Variants in PTPRD observed in about 807,000 individuals in gnomAD.
The protein encoded by PTPRD is receptor-type tyrosine-protein phosphatase delta.
PTPRD carries 34 observed loss-of-function variants against 214.5 expected under a neutral mutation model. The ratio of observed to expected loss-of-function variants is 0.16; its 90% CI spans 0.12 to 0.21. The LOEUF (loss-of-function observed/expected upper bound fraction) is 0.21. Among genes scored for constraint, PTPRD ranks in the 10% least tolerant of loss-of-function variants. PTPRD has a pLI of 1.00. For missense variants in PTPRD, 2,545 were observed against 2,398.7 expected (o/e 1.06, Z -1.27); for synonymous variants, 1,128 against 845.7 (o/e 1.33, Z -5.79).
chr9:9,931,570 G>A (rs1038948929), intron 5 of PTPRD, among the ~76,000 whole-genome samples: 3 of 152,130 alleles, frequency 2.0e-5, no homozygotes, highest in Non-Finnish European at 4.4e-5. Flanking sequence ...TGGCTCGGAG[G>A]GTCCTATGCC....
intron 11 of PTPRD, among the ~76,000 whole-genome samples, chr9:8,741,167 G>A (rs1225845926): frequency 2.0e-5 from 3 of 151,592 alleles, no homozygotes; most frequent in Non-Finnish European, 4.4e-5. Flanking sequence ...TCTCCTTTGG[G>A]AAGAAAAAAA....
intron 7 of PTPRD, among the ~76,000 whole-genome samples, chr9:9,649,397 G>A (rs2154371628): frequency 6.6e-6 from 1 of 152,248 alleles, no homozygotes; most frequent in South Asian, 2.1e-4. Flanking sequence ...AATGGCAGCA[G>A]TGATTATAAA....
At chr9:9,432,647 G>A (rs2083648933) in intron 8 of PTPRD, among the ~76,000 whole-genome samples, 3 of 152,166 alleles carry the variant, frequency 2.0e-5, no homozygotes, top group Non-Finnish European at 4.4e-5. Flanking sequence ...AGGGGAAAAT[G>A]CTTTGTTCAA....
At chr9:10,565,943 C>A (rs2065466901) in intron 2 of PTPRD, among the ~76,000 whole-genome samples, 1 of 151,952 alleles carries the variant, frequency 6.6e-6, no homozygotes, top group African/African-American at 2.4e-5. Flanking sequence ...CTTCATCATT[C>A]TTCTGCTTTT....
At chr9:9,091,393 T>A (rs2099775620) in intron 10 of PTPRD, 1 of 649,704 alleles carries the variant, frequency 1.5e-6, no homozygotes, top group Admixed American at 2.6e-5. Context: ...CTTATGACTC[T>A]GGTTCTTACT....
At chr9:9,392,289 C>T (rs1168822586) in intron 9 of PTPRD, among the ~76,000 whole-genome samples, 2 of 152,116 alleles carry the variant, frequency 1.3e-5, no homozygotes, top group Non-Finnish European at 2.9e-5. Flanking sequence ...CCCATTGGGT[C>T]ATAAACCTGC....
chr9:9,829,154 A>G (rs1237060853), intron 5 of PTPRD, among the ~76,000 whole-genome samples: 2 of 151,948 alleles, frequency 1.3e-5, no homozygotes, highest in Non-Finnish European at 2.9e-5. Flanking sequence ...ATTACGTAGA[A>G]CATTGTATTA....
chr9:9,689,354 T>A (rs764083685), intron 7 of PTPRD, among the ~76,000 whole-genome samples: 1 of 151,908 alleles, frequency 6.6e-6, no homozygotes, highest in Non-Finnish European at 1.5e-5. Context: ...TTAATGTCAA[T>A]TAAATATATA....
chr9:10,441,256 G>T (rs2098756480), intron 2 of PTPRD, among the ~76,000 whole-genome samples: 1 of 151,598 alleles, frequency 6.6e-6, no homozygotes. Flanking sequence ...ATATATTGGA[G>T]CATACGGTGA....
At chr9:9,331,761 C>T (rs909389712) in intron 9 of PTPRD, among the ~76,000 whole-genome samples, 1 of 152,034 alleles carries the variant, frequency 6.6e-6, no homozygotes, top group African/African-American at 2.4e-5. Flanking sequence ...TGAATCAAAT[C>T]ATCTCAAATA....
intron 11 of PTPRD, among the ~76,000 whole-genome samples, chr9:8,899,415 G>A (rs577834783): frequency 5.3e-5 from 8 of 152,264 alleles, no homozygotes; most frequent in East Asian, 1.9e-4. Flanking sequence ...TTGTGTCTCC[G>A]CATTTTTGTT....
chr9:9,996,956 A>C (rs1208651196), intron 4 of PTPRD, among the ~76,000 whole-genome samples: 1 of 152,210 alleles, frequency 6.6e-6, no homozygotes, highest in East Asian at 1.9e-4. Context: ...CAAACCAGGA[A>C]GTATGGCCTG....
intron 12 of PTPRD, among the ~76,000 whole-genome samples, chr9:8,661,658 A>G (rs1243282688): frequency 6.6e-6 from 1 of 152,192 alleles, no homozygotes; most frequent in Non-Finnish European, 1.5e-5. Context: ...ATCAGCAATT[A>G]TATTCTACTA....
chr9:9,779,910 A>G (rs2098829476), intron 5 of PTPRD, among the ~76,000 whole-genome samples: 2 of 152,232 alleles, frequency 1.3e-5, no homozygotes, highest in South Asian at 4.1e-4. Context: ...TACTGGGTAT[A>G]TACCCCAAAG....
intron 4 of PTPRD, among the ~76,000 whole-genome samples, chr9:10,003,241 C>T (rs1048413033): frequency 3.3e-5 from 5 of 151,512 alleles, no homozygotes; most frequent in African/African-American, 1.2e-4. Flanking sequence ...GCCTAGAATA[C>T]TGGATCTATG....
At chr9:9,622,877 C>G (rs1287433471) in intron 7 of PTPRD, among the ~76,000 whole-genome samples, 1 of 152,116 alleles carries the variant, frequency 6.6e-6, no homozygotes, top group Admixed American at 6.5e-5. Context: ...GGAAAAGATT[C>G]TAAAATCTCA....
chr9:9,690,954 T>C (rs1313699145), intron 7 of PTPRD, among the ~76,000 whole-genome samples: 3 of 151,988 alleles, frequency 2.0e-5, no homozygotes, highest in Non-Finnish European at 4.4e-5. Flanking sequence ...GGGTGTTTTA[T>C]GGTTTCATAT....
At chr9:8,781,241 T>C (rs905571303) in intron 11 of PTPRD, among the ~76,000 whole-genome samples, 2 of 152,218 alleles carry the variant, frequency 1.3e-5, no homozygotes, top group African/African-American at 4.8e-5. Flanking sequence ...AGGTGCACTC[T>C]TTATCTAAAG....
At chr9:10,573,167 C>T (rs138954420) in intron 2 of PTPRD, among the ~76,000 whole-genome samples, 22 of 152,276 alleles carry the variant, frequency 1.4e-4, no homozygotes, top group African/African-American at 5.3e-4. Flanking sequence ...ACAAGATTCT[C>T]AACTCCTGAA....
Sources: allele counts gnomAD v4.1 joint callset (sites outside exome capture counted in the v4.1 genomes callset), GRCh38; gene constraint gnomAD v4.1.1; transcripts MANE v1.5; gene names NCBI Gene and HGNC (gene_info 2026-07-23, HGNC 2026-07-21).